ZNF516: variants seen among roughly 807,000 people sequenced by gnomAD.
ZNF516 encodes the protein zinc finger protein 516.
Under a neutral mutation model 79.7 loss-of-function variants are expected in ZNF516, and 19 were observed. The ratio of observed to expected loss-of-function variants is 0.24; its 90% CI spans 0.17 to 0.35. The LOEUF (loss-of-function observed/expected upper bound fraction) is 0.35, where lower values mean the gene tolerates loss of function less well. Ranked by LOEUF, ZNF516 falls within the 10% of genes least tolerant of loss-of-function variation. ZNF516 has a pLI of 1.00. For missense variants in ZNF516, 1,678 were observed against 1,679.5 expected (o/e 1.00, Z 0.02); for synonymous variants, 877 against 739.5 (o/e 1.19, Z -3.02).
rs1398279960 is a variant in ZNF516 at position 76,360,747 on chromosome 18, CTCAG to C, written c.*1747_*1750del. ...AACCTGAACCGTCAAGTAATTTAAA[CTCAG>C]TAACAAGTAGAATCCAGAACCAAAC... is the stretch of plus-strand genomic sequence containing the variant. On this transcript the variant is annotated 3_prime_UTR_variant, in exon 7 of 7. Coordinates refer to ENST00000443185, the MANE Select transcript of ZNF516 (RefSeq NM_014643.4). The C allele has an allele frequency of 7.2e-6, 1 of 138,980 alleles. No individual in the cohort carries two copies. Among genetic ancestry groups the C allele is most frequent in the East Asian group, 2.1e-4 (1 of 4,780 alleles). The allele number at this position is 138,980 out of a possible 1,614,324, so 8.6% of individuals were successfully genotyped here.
At chr18:76,395,481 G>T (rs73978106) in intron 3 of ZNF516, among the ~76,000 whole-genome samples, 1 of 152,146 alleles carries the variant, frequency 6.6e-6, no homozygotes, top group African/African-American at 2.4e-5. Flanking sequence ...AGCATGAAGC[G>T]CAAGATGAAT....
intron 1 of ZNF516, among the ~76,000 whole-genome samples, chr18:76,488,534 G>A (rs1914968635): frequency 6.7e-6 from 1 of 149,270 alleles, no homozygotes; most frequent in South Asian, 2.2e-4. Context: ...GGGGGAGGGG[G>A]AGGGGGAGGG....
At chr18:76,461,205 A>AT (rs942375443) in intron 2 of ZNF516, among the ~76,000 whole-genome samples, 2 of 152,180 alleles carry the variant, frequency 1.3e-5, no homozygotes, top group Non-Finnish European at 1.5e-5. Flanking sequence ...ATAAATAAAA[A>AT]TAACAACATA....
rs868772743 is a variant in ZNF516, at chr18:76,464,473, A to G, written c.-271-1332T>C. Among the ~76,000 whole-genome samples the G allele has an allele frequency of 5.9e-5, 9 of 152,384 alleles. No individual in the cohort carries two copies. The South Asian group carries it at 1.9e-3, about 32-fold the overall frequency. On this transcript the variant is annotated intron_variant, in intron 1 of 6. Transcript: ENST00000443185. ...TCAGAACCATCACTGGGAAACCCCA[A>G]GAGTCATGGAGACAAAGGTGCAGAG...
At chr18:76,380,479 A>T (rs2074873695) in intron 3 of ZNF516, among the ~76,000 whole-genome samples, 176 bp from the exon 4 acceptor site, 1 of 152,036 alleles carries the variant, frequency 6.6e-6, no homozygotes, top group African/African-American at 2.4e-5. Context: ...CAAGAACAAA[A>T]GGGGGTGAGT....
rs1283602665 is a variant in ZNF516, at chr18:76,442,507, A to C, written c.548T>G (p.Phe183Cys). The change falls in exon 3 of 7, where the codon TTC becomes TGC. Residue 183 changes from phenylalanine to cysteine, a missense_variant. Physicochemically the swap from Phe to Cys is radical, Grantham distance 205. Around this residue, in one of 5 missense-constraint regions of ZNF516, gnomAD observed 279 missense variants for 254.1 expected, o/e 1.10. Coordinates refer to ENST00000443185, the MANE Select transcript of ZNF516 (RefSeq NM_014643.4). Reference sequence around the variant, plus strand: ...CAGCTCCAGGTCCTTCTTACGCTCGAACTGGCTCTTGCAGAAGGAGCACTG... The same window carrying C: ...CAGCTCCAGGTCCTTCTTACGCTCGCACTGGCTCTTGCAGAAGGAGCACTG... ...AVQCSFCKSQ[F>C]ERKKDLELHV... 1.2e-6 allele frequency: 2 copies of C among 1,601,592 alleles called. No homozygotes were observed. Among genetic ancestry groups the C allele is most frequent in the Non-Finnish European group, 1.7e-6 (2 of 1,179,616 alleles).
chr18:76,463,897 A>C (rs1290585389), intron 1 of ZNF516, among the ~76,000 whole-genome samples: 2 of 152,344 alleles, frequency 1.3e-5, no homozygotes, highest in East Asian at 3.9e-4. Context: ...TCGAAAGCTT[A>C]TGTTCTCAGT....
chr18:76,437,361 G>A (rs988215541), intron 3 of ZNF516, among the ~76,000 whole-genome samples: 3 of 152,174 alleles, frequency 2.0e-5, no homozygotes, highest in African/African-American at 7.2e-5. Flanking sequence ...CAGGGAGGCA[G>A]CCAGCGAGGG....
At chr18:76,489,838 T>G (rs1284573436) in intron 1 of ZNF516, among the ~76,000 whole-genome samples, 8 of 152,306 alleles carry the variant, frequency 5.3e-5, no homozygotes, top group African/African-American at 1.4e-4. Context: ...CTTTCAGAAA[T>G]AAAAATAGGC....
intron 3 of ZNF516, among the ~76,000 whole-genome samples, chr18:76,391,258 AG>A (rs2075070215): frequency 1.3e-5 from 2 of 152,282 alleles, no homozygotes; most frequent in South Asian, 4.1e-4. Context: ...CATAAGCACA[AG>A]CCAAACCACA....
At position 76,360,646 on chromosome 18, in the gene ZNF516, A is replaced by ATATATAT. The variant is rs1555693935; in HGVS notation, c.*1851_*1852insATATATA. On this transcript the variant is annotated 3_prime_UTR_variant, in exon 7 of 7. Transcript: ENST00000443185. ...AAAAAAATAAGTAAAAAAAAAAAAA[A>ATATATAT]ATATATATATATATATATATATATA... is the stretch of plus-strand genomic sequence containing the variant. 34 of 72,456 alleles carry ATATATAT rather than the reference A, an allele frequency of 4.7e-4. No individual in the cohort carries two copies. The highest frequency in any genetic ancestry group is 8.1e-4 in the Admixed American group (6 of 7,372). The allele number at this position is 72,456 out of a possible 1,614,324, so 4.5% of individuals were successfully genotyped here.
intron 3 of ZNF516, among the ~76,000 whole-genome samples, chr18:76,423,789 G>C (rs1787450): frequency 0.012 from 1,628 of 137,242 alleles, 62 homozygotes; most frequent in African/African-American, 0.044. Flanking sequence ...AGGTGAAAAG[G>C]TTCCCCCATG....
chr18:76,406,380 ATGG>A (rs1355894000), intron 3 of ZNF516, among the ~76,000 whole-genome samples: 1 of 152,184 alleles, frequency 6.6e-6, no homozygotes, highest in Non-Finnish European at 1.5e-5. Context: ...CCTGACCAAC[ATGG>A]TGAAACCCCG....
intron 3 of ZNF516, among the ~76,000 whole-genome samples, chr18:76,423,777 G>A (rs1194115564): frequency 6.5e-5 from 9 of 138,804 alleles, no homozygotes; most frequent in Non-Finnish European, 1.1e-4. Context: ...CGAAACACAC[G>A]CAGGTGAAAA....
At chr18:76,371,093 T>A (rs1228014832) in intron 5 of ZNF516, among the ~76,000 whole-genome samples, 2 of 152,218 alleles carry the variant, frequency 1.3e-5, no homozygotes, top group Non-Finnish European at 2.9e-5. Context: ...CAGAGTCCAG[T>A]CAGTGCCAGT....
At position 76,459,766 on chromosome 18, in the gene ZNF516, C is replaced by T. The variant is rs148085931; in HGVS notation, c.-158+3262G>A. Reference sequence around the variant, plus strand: ...GAGCACAGTGGGTATCCCATCACAACGCGGGAGGATTCAGGGCCAACTGCA... The same window carrying T: ...GAGCACAGTGGGTATCCCATCACAATGCGGGAGGATTCAGGGCCAACTGCA... On this transcript the variant is annotated intron_variant, in intron 2 of 6. Transcript: ENST00000443185. The surrounding 1 kb of genome is among the most constrained non-coding windows in gnomAD (Gnocchi z 5.0). Among the ~76,000 whole-genome samples, 345 of 152,266 alleles carry T rather than the reference C, an allele frequency of 2.3e-3. 2 individuals carry two copies. Among genetic ancestry groups the T allele is most frequent in the African/African-American group, 7.9e-3 (330 of 41,550 alleles).
At position 76,360,647 on chromosome 18, in the gene ZNF516, ATATATATATATATAT is replaced by A. The variant is rs1324497390; in HGVS notation, c.*1836_*1850del. 20 of 61,768 alleles carry A rather than the reference ATATATATATATATAT, an allele frequency of 3.2e-4. No individual in the cohort carries two copies. Among genetic ancestry groups the A allele is most frequent in the African/African-American group, 1.3e-3 (20 of 15,630 alleles). 3.8% of individuals were successfully genotyped at this position (61,768 alleles called of 1,614,324 possible). On this transcript the variant is annotated 3_prime_UTR_variant, in exon 7 of 7. Transcript: ENST00000443185. ...AAAAAATAAGTAAAAAAAAAAAAAA[ATATATATATATATAT>A]ATATATATATATATATAAGCTAGCC...
rs2075531740 is a variant in ZNF516 at position 76,423,239 on chromosome 18, C to G, written c.1810+18006G>C. Among the ~76,000 whole-genome samples, 2 of 152,238 alleles carry G rather than the reference C, an allele frequency of 1.3e-5. 1 individual carries two copies. The highest frequency in any genetic ancestry group is 2.9e-5 in the Non-Finnish European group (2 of 68,036). ...GTTTTACAAGCTAGGAAAGGAAAAG[C>G]TGCACAGATCAAATGCTAGGGTTCA... On this transcript the variant is annotated intron_variant, in intron 3 of 6. Transcript: ENST00000443185.
intron 1 of ZNF516, among the ~76,000 whole-genome samples, chr18:76,477,750 T>C (rs922951370): frequency 6.6e-6 from 1 of 152,046 alleles, no homozygotes; most frequent in African/African-American, 2.4e-5. Context: ...AGCATGGGAA[T>C]AAGACACAAA....
Sources: gnomAD v4.1 joint callset for allele counts (sites outside exome capture counted in the v4.1 genomes callset) on GRCh38, gnomAD v4.1.1 for gene constraint, gnomAD v4.1.1 regional missense constraint, Gnocchi (gnomAD v3.1) non-coding constraint, MANE v1.5 for transcripts, NCBI Gene and HGNC (gene_info 2026-07-23, HGNC 2026-07-21) for gene names.